NSMCE2: variants seen among roughly 807,000 people sequenced by gnomAD.
NSMCE2 encodes E3 SUMO-protein ligase NSE2.
In NSMCE2, 24 loss-of-function variants were observed where a neutral mutation model predicts 23.8. That is an observed-to-expected ratio of 1.01 (90% CI 0.73 to 1.42). The LOEUF (loss-of-function observed/expected upper bound fraction) is 1.42. Among genes scored for constraint, NSMCE2 ranks in the 40% most tolerant of loss-of-function variants. The pLI is 0.00. For missense variants in NSMCE2, 284 were observed against 296.5 expected (o/e 0.96, Z 0.31); for synonymous variants, 92 against 94.1 (o/e 0.98, Z 0.13).
At chr8:125,192,993 A>T (rs959909476) in intron 5 of NSMCE2, among the ~76,000 whole-genome samples, 1 of 152,224 alleles carries the variant, frequency 6.6e-6, no homozygotes, top group Non-Finnish European at 1.5e-5. Context: ...CCTTTATGAT[A>T]TTATTTGTAA....
At chr8:125,223,978 A>G (rs781200157) in intron 5 of NSMCE2, among the ~76,000 whole-genome samples, 9 of 152,074 alleles carry the variant, frequency 5.9e-5, no homozygotes, top group Non-Finnish European at 1.3e-4. Context: ...CTGGGACTAC[A>G]GGCACACAAA....
intron 5 of NSMCE2, chr8:125,182,736 G>A (rs1822889002): frequency 6.2e-6 from 1 of 161,988 alleles, no homozygotes; most frequent in African/African-American, 2.4e-5. Context: ...TTTTAGCATT[G>A]TGGTAGTATA....
intron 3 of NSMCE2, among the ~76,000 whole-genome samples, chr8:125,146,803 G>A (rs955014887): frequency 2.6e-5 from 4 of 151,946 alleles, no homozygotes; most frequent in Non-Finnish European, 5.9e-5. Context: ...GTTAAATGAC[G>A]AGTTAATGGG....
intron 3 of NSMCE2, among the ~76,000 whole-genome samples, chr8:125,150,418 C>CT (rs1820932488): frequency 2.0e-5 from 2 of 99,670 alleles, no homozygotes; most frequent in Admixed American, 1.0e-4. Context: ...TTTTTCTTTT[C>CT]TTTCTTTCTT....
intron 4 of NSMCE2, chr8:125,155,863 G>C (rs968103194): frequency 3.1e-5 from 13 of 415,544 alleles, no homozygotes; most frequent in Non-Finnish European, 5.3e-5. Flanking sequence ...CATGGGGGTA[G>C]TCCTTGCAAT....
At chr8:125,341,770 TG>T (rs1458372108) in intron 5 of NSMCE2, among the ~76,000 whole-genome samples, 2 of 152,102 alleles carry the variant, frequency 1.3e-5, no homozygotes, top group Non-Finnish European at 2.9e-5. Context: ...CAGTTGTCTC[TG>T]GGTCTTGCAG....
chr8:125,280,801 A>T (rs551821945), intron 5 of NSMCE2, among the ~76,000 whole-genome samples: 12 of 152,322 alleles, frequency 7.9e-5, no homozygotes, highest in African/African-American at 2.9e-4. Flanking sequence ...TGGAGGAAAT[A>T]TTTTTATCAC....
intron 5 of NSMCE2, among the ~76,000 whole-genome samples, chr8:125,285,771 C>T: frequency 6.6e-6 from 1 of 152,018 alleles, no homozygotes; most frequent in African/African-American, 2.4e-5. Context: ...CACACACACA[C>T]ACACACACAA....
intron 5 of NSMCE2, among the ~76,000 whole-genome samples, chr8:125,237,271 C>G (rs1467197448): frequency 1.3e-5 from 2 of 152,140 alleles, no homozygotes. Context: ...CATAAAGACT[C>G]TTTGGGGAGT....
At chr8:125,112,420 A>G (rs1156553531) in intron 3 of NSMCE2, among the ~76,000 whole-genome samples, 2 of 152,228 alleles carry the variant, frequency 1.3e-5, no homozygotes, top group Non-Finnish European at 2.9e-5. Context: ...ATGTATGTCA[A>G]AGAGATATCT....
intron 5 of NSMCE2, among the ~76,000 whole-genome samples, chr8:125,239,728 G>A (rs1055480337): frequency 1.3e-5 from 2 of 151,876 alleles, no homozygotes; most frequent in African/African-American, 4.8e-5. Flanking sequence ...ATTAATTAGA[G>A]GCTGAACATA....
chr8:125,246,150 T>A (rs1825953031), intron 5 of NSMCE2, among the ~76,000 whole-genome samples: 1 of 152,136 alleles, frequency 6.6e-6, no homozygotes, highest in African/African-American at 2.4e-5. Flanking sequence ...TCTGTGACAA[T>A]TCAATCTGCA....
At chr8:125,362,702 T>C (rs1813610825) in intron 7 of NSMCE2, among the ~76,000 whole-genome samples, 1 of 152,362 alleles carries the variant, frequency 6.6e-6, no homozygotes, top group South Asian at 2.1e-4. Context: ...TTCTTGAGCC[T>C]GCAATTCTGT....
At chr8:125,308,972 C>T (rs1194037546) in intron 5 of NSMCE2, among the ~76,000 whole-genome samples, 2 of 152,200 alleles carry the variant, frequency 1.3e-5, no homozygotes, top group Non-Finnish European at 2.9e-5. Context: ...AGGCCGGGCA[C>T]GGTGGCTTAC....
chr8:125,170,398 T>C (rs1263325838), intron 4 of NSMCE2, among the ~76,000 whole-genome samples: 2 of 108,158 alleles, frequency 1.8e-5, no homozygotes, highest in South Asian at 3.0e-4. Flanking sequence ...TTTTTTTTTT[T>C]TTTTTTTTTT....
chr8:125,235,822 CT>C (rs1328099176), intron 5 of NSMCE2, among the ~76,000 whole-genome samples: 1 of 152,192 alleles, frequency 6.6e-6, no homozygotes, highest in Non-Finnish European at 1.5e-5. Flanking sequence ...ATTCTCTACT[CT>C]TGGTGCATTT....
At chr8:125,270,912 G>GA (rs958843487) in intron 5 of NSMCE2, 3 of 151,724 alleles carry the variant, frequency 2.0e-5, no homozygotes, top group Admixed American at 6.6e-5. Context: ...TTAGAAAAAA[G>GA]AAAAAAAAGA....
chr8:125,174,555 A>G (rs1822381117), intron 4 of NSMCE2, among the ~76,000 whole-genome samples: 1 of 152,236 alleles, frequency 6.6e-6, no homozygotes, highest in Non-Finnish European at 1.5e-5. Context: ...TAACAGATGC[A>G]CATAGATGGC....
intron 4 of NSMCE2, among the ~76,000 whole-genome samples, chr8:125,152,534 A>C (rs1161730499): frequency 6.6e-6 from 1 of 152,212 alleles, no homozygotes; most frequent in African/African-American, 2.4e-5. Context: ...TTTACTGCCA[A>C]AGATTAGAGT....
Sources: gnomAD v4.1 joint callset for allele counts (sites outside exome capture counted in the v4.1 genomes callset) on GRCh38, gnomAD v4.1.1 for gene constraint, MANE v1.5 for transcripts, NCBI Gene and HGNC (gene_info 2026-07-23, HGNC 2026-07-21) for gene names.